Variants in FFAR4 observed in about 807,000 individuals in gnomAD.
The protein encoded by FFAR4 is G-protein coupled receptor 120.
A neutral mutation model predicts 27.0 loss-of-function variants in FFAR4; 19 were observed. That is an observed-to-expected ratio of 0.70 (90% CI 0.49 to 1.03). The LOEUF (loss-of-function observed/expected upper bound fraction) is 1.03. Ranked by LOEUF, FFAR4 falls within the 50% of genes least tolerant of loss-of-function variation. The pLI, the probability that FFAR4 is intolerant of heterozygous loss-of-function variation, is 0.00. For synonymous variants in FFAR4, 254 were observed against 215.6 expected, an observed-to-expected ratio of 1.18 and a Z score of -1.56; for missense variants, 476 against 479.0, an observed-to-expected ratio of 0.99 and a Z score of 0.06.
intron 2 of FFAR4, chr10:93,579,077 C>A: frequency 7.8e-7 from 1 of 1,274,724 alleles, no homozygotes; most frequent in Non-Finnish European, 1.1e-6. Context: ...GTCCTTTTAG[C>A]CACCCACCTC....
chr10:93,574,208 C>T (rs2058148787), intron 1 of FFAR4, among the ~76,000 whole-genome samples: 1 of 152,132 alleles, frequency 6.6e-6, no homozygotes, highest in Non-Finnish European at 1.5e-5. Flanking sequence ...TTTTCTTTCA[C>T]TCCTACTGTA....
intron 1 of FFAR4, among the ~76,000 whole-genome samples, chr10:93,574,715 C>T (rs1056927228): frequency 7.3e-5 from 11 of 151,488 alleles, no homozygotes; most frequent in East Asian, 2.0e-4. Context: ...GGTGAAACCC[C>T]GTCTCTACTA....
intron 2 of FFAR4, 106 bp from the exon 3 acceptor site, chr10:93,587,114 C>T (rs537423167): frequency 4.0e-6 from 4 of 988,776 alleles, no homozygotes; most frequent in Non-Finnish European, 5.9e-6. Flanking sequence ...AGGCACACAG[C>T]TTCAGTGCCT....
chr10:93,586,693 C>A (rs1334324986), intron 2 of FFAR4, among the ~76,000 whole-genome samples: 1 of 152,100 alleles, frequency 6.6e-6, no homozygotes, highest in Non-Finnish European at 1.5e-5. Context: ...GTGGTGTGGG[C>A]CCATCTGTGT....
At chr10:93,583,225 A>AC (rs1344866479) in intron 2 of FFAR4, among the ~76,000 whole-genome samples, 2 of 134,614 alleles carry the variant, frequency 1.5e-5, no homozygotes, top group Admixed American at 1.7e-4. Context: ...ACACGGTGAA[A>AC]CCCCGTCTCT....
chr10:93,575,612 A>G (rs1479461399), intron 1 of FFAR4, among the ~76,000 whole-genome samples: 1 of 152,198 alleles, frequency 6.6e-6, no homozygotes, highest in East Asian at 1.9e-4. Flanking sequence ...TTTAGCAAAG[A>G]CCCTGTGTCC....
At chr10:93,567,476 G>T (rs776908434) in intron 1 of FFAR4, among the ~76,000 whole-genome samples, 189 bp downstream of exon 1, 1 of 152,200 alleles carries the variant, frequency 6.6e-6, no homozygotes, top group African/African-American at 2.4e-5. Flanking sequence ...CTGTGCACAC[G>T]CCCTCCTAAA....
rs184103871 is a variant in FFAR4, at chr10:93,570,503, C to T, written c.567+3216C>T. On this transcript the variant is annotated intron_variant, in intron 1 of 2. Transcript: ENST00000371481. ...TGCTTGTGGATTCTGTCTGCCCCATCCCACTTAGAGACTAAATATGGAGGT... is the reference window on the plus strand; with the variant it reads ...TGCTTGTGGATTCTGTCTGCCCCATTCCACTTAGAGACTAAATATGGAGGT... Among the ~76,000 whole-genome samples the T allele has an allele frequency of 2.0e-5, 3 of 152,204 alleles. No individual in the cohort carries two copies. In the East Asian group the frequency reaches 5.8e-4, roughly 30 times the overall value.
In FFAR4 at chr10:93,581,222, C is replaced by A. The variant is rs11187520; in HGVS notation, c.696+5003C>A. On this transcript the variant is annotated intron_variant, in intron 2 of 2. Coordinates refer to ENST00000371481, the MANE Select transcript of FFAR4 (RefSeq NM_001195755.2). ...GGCTTGCAGATGGAAAACCCTCAGC[C>A]TGCCTCAGGGCTAAACTGAGAAACA... 3.9e-5 allele frequency among the ~76,000 whole-genome samples: 6 copies of A among 152,356 alleles called. No individual in the cohort carries two copies. The East Asian group carries it at 1.2e-3, about 29-fold the overall frequency.
At chr10:93,583,176 GTGGA>G (rs2058208653) in intron 2 of FFAR4, among the ~76,000 whole-genome samples, 1 of 151,364 alleles carries the variant, frequency 6.6e-6, no homozygotes, top group East Asian at 1.9e-4. Flanking sequence ...GCCAAGGCGG[GTGGA>G]TCACGAGGTC....
intron 1 of FFAR4, 22 bp downstream of exon 1, chr10:93,567,309 C>T (rs1287232265): frequency 1.3e-6 from 2 of 1,590,516 alleles, no homozygotes; most frequent in Admixed American, 1.7e-5. Flanking sequence ...TCTGTGTGTG[C>T]CGGGCAGGTG....
At chr10:93,581,064 A>C (rs1376745796) in intron 2 of FFAR4, among the ~76,000 whole-genome samples, 1 of 152,084 alleles carries the variant, frequency 6.6e-6, no homozygotes, top group African/African-American at 2.4e-5. Flanking sequence ...TCCCCCTCTC[A>C]TTGCCCACAT....
Position 93,589,372 on chromosome 10 carries a change from G to T in FFAR4, c.*1763G>T. 6.6e-6 allele frequency: 1 copy of T among 152,656 alleles called. No individual in the cohort carries two copies. The highest frequency in any genetic ancestry group is 1.5e-5 in the Non-Finnish European group (1 of 68,134). 9.5% of individuals were successfully genotyped at this position (152,656 alleles called of 1,614,324 possible). On this transcript the variant is annotated 3_prime_UTR_variant, in exon 3 of 3. Transcript: ENST00000371481. The stretch of plus-strand genomic sequence containing the variant: ...AGACCAGTTGGGCAGCTGCTGAAGT[G>T]TGACATGGGGATGGGACCTTGGAGG...
rs1229666356 is a variant in FFAR4 at position 93,587,519 on chromosome 10, A to C, written c.996A>C (p.Lys332Asn). The C allele has an allele frequency of 1.2e-6, 2 of 1,613,910 alleles. No individual in the cohort carries two copies. The highest frequency in any genetic ancestry group is 2.7e-5 in the African/African-American group (2 of 74,930). ...CACTGTGCAGGAATGAGTGGAAGAAAATTTTTTGCTGCTTCTGGTTCCCAG... is the reference window on the plus strand; with the variant it reads ...CACTGTGCAGGAATGAGTGGAAGAACATTTTTTGCTGCTTCTGGTTCCCAG... Reference protein sequence around the residue: ...NMTLCRNEWKKIFCCFWFPEK... With the variant: ...NMTLCRNEWKNIFCCFWFPEK... The change falls in exon 3 of 3, where the codon AAA (lysine) becomes AAC (asparagine). Residue 332 changes from lysine (K) to asparagine (N), a missense_variant. By Grantham distance (94) the Lys-to-Asn change is moderately conservative. Coordinates refer to ENST00000371481, the MANE Select transcript of FFAR4 (RefSeq NM_001195755.2).
chr10:93,578,646 G>C (rs888914404), intron 2 of FFAR4, among the ~76,000 whole-genome samples: 2 of 152,162 alleles, frequency 1.3e-5, no homozygotes, highest in African/African-American at 4.8e-5. Flanking sequence ...TGTAGGAGAT[G>C]CTACTGATGG....
intron 2 of FFAR4, among the ~76,000 whole-genome samples, chr10:93,580,481 G>T (rs1426615125): frequency 6.6e-6 from 1 of 152,188 alleles, no homozygotes; most frequent in Admixed American, 6.5e-5. Flanking sequence ...GCAATGTTAG[G>T]TGTTAGAAAG....
intron 2 of FFAR4, among the ~76,000 whole-genome samples, chr10:93,586,162 G>A (rs1178746801): frequency 2.0e-5 from 3 of 152,166 alleles, no homozygotes; most frequent in Middle Eastern, 3.2e-3. Context: ...TTCCCATAAT[G>A]TCACGGGAGG....
intron 2 of FFAR4, among the ~76,000 whole-genome samples, chr10:93,578,164 C>A (rs1156935884): frequency 6.6e-6 from 1 of 152,138 alleles, no homozygotes; most frequent in South Asian, 2.1e-4. Context: ...CGCCTGTAAT[C>A]CTAGCACTTT....
chr10:93,587,643 G>T lies in FFAR4; in HGVS notation c.*34G>T, dbSNP rs372366103. Reference sequence around the variant, plus strand: ...TATAGCCGAGTTTCTCACACCTGGCGAGCTGTGGCATGCTTTTAAACAGAG... The same window carrying T: ...TATAGCCGAGTTTCTCACACCTGGCTAGCTGTGGCATGCTTTTAAACAGAG... On this transcript the variant is annotated 3_prime_UTR_variant, in exon 3 of 3. Coordinates refer to ENST00000371481, the MANE Select transcript of FFAR4 (RefSeq NM_001195755.2). 1 of 1,589,008 alleles carries T rather than the reference G, an allele frequency of 6.3e-7. No homozygotes were observed. The highest frequency in any genetic ancestry group is 8.5e-7 in the Non-Finnish European group (1 of 1,170,720).
Sources: allele counts gnomAD v4.1 joint callset (sites outside exome capture counted in the v4.1 genomes callset), GRCh38; gene constraint gnomAD v4.1.1; transcripts MANE v1.5; gene names NCBI Gene and HGNC (gene_info 2026-07-23, HGNC 2026-07-21).